The following ITPR1 variants were observed in gnomAD, a reference collection of about 807,000 sequenced individuals.
ITPR1 encodes the protein inositol 1,4,5-trisphosphate receptor type 1, also known as inositol 1,4,5-trisphosphate-gated calcium channel ITPR1.
In ITPR1, 96 loss-of-function variants were observed where a neutral mutation model predicts 318.4. The observed-to-expected ratio is 0.30, with a 90% confidence interval of 0.26 to 0.36. The LOEUF is 0.36. Ranked by LOEUF, ITPR1 falls within the 10% of genes least tolerant of loss-of-function variation. The pLI is 1.00. For synonymous variants in ITPR1, 1,312 were observed against 1,289.9 expected, an observed-to-expected ratio of 1.02 and a Z score of -0.37; for missense variants, 2,440 against 3,460.2, an observed-to-expected ratio of 0.71 and a Z score of 7.40.
chr3:4,556,441 A>G (rs1283712318), intron 4 of ITPR1, among the ~76,000 whole-genome samples: 1 of 152,136 alleles, frequency 6.6e-6, no homozygotes, highest in East Asian at 1.9e-4. Flanking sequence ...TCACTGCCCT[A>G]AGAATCTCTG....
chr3:4,753,781 G>A (rs900606308), intron 44 of ITPR1, among the ~76,000 whole-genome samples: 5 of 152,240 alleles, frequency 3.3e-5, no homozygotes, highest in Middle Eastern at 3.4e-3. Flanking sequence ...GGAGAGCAGC[G>A]AAGGGAACGT....
rs994064456 is a variant in ITPR1, at chr3:4,843,566, T to C, written c.8191-2573T>C. On this transcript the variant is annotated intron_variant, in intron 61 of 61. Coordinates refer to ENST00000649015, the MANE Select transcript of ITPR1 (RefSeq NM_001378452.1). ...TGTTTCTGATCTGTGTTTTAACAAA[T>C]GTTCTGGGTGATTCTGGCGCATGCT... 2.2e-4 allele frequency among the ~76,000 whole-genome samples: 34 copies of C among 152,242 alleles called. 1 individual carries two copies. The highest frequency in any genetic ancestry group is 7.3e-5 in the Non-Finnish European group (5 of 68,032).
chr3:4,670,848 G>T lies in ITPR1; in HGVS notation c.2126G>T (p.Arg709Leu), dbSNP rs765735809. ...LFWRDSNKEIRSKSVRELAQD... is the reference protein window; with the variant it reads ...LFWRDSNKEILSKSVRELAQD... ...TGGAGGGACAGCAACAAAGAGATTCGCAGCAAGAGTGTGAGGGAATTGGCT... is the reference window on the plus strand; with the variant it reads ...TGGAGGGACAGCAACAAAGAGATTCTCAGCAAGAGTGTGAGGGAATTGGCT... The change falls in exon 20 of 62, where the codon CGC becomes CTC. Residue 709 changes from arginine to leucine, a missense_variant. Physicochemically the swap from Arg to Leu is moderately radical, Grantham distance 102 (BLOSUM62 -2). Around this residue, in one of 23 missense-constraint regions of ITPR1, gnomAD observed 478 missense variants for 696.3 expected, o/e 0.69. Transcript: ENST00000649015. 3 of 1,610,934 alleles carry T rather than the reference G, an allele frequency of 1.9e-6. No individual in the cohort carries two copies. The highest frequency in any genetic ancestry group is 2.2e-5 in the South Asian group (2 of 90,232).
chr3:4,837,334 A>G (rs2050995308), intron 61 of ITPR1, among the ~76,000 whole-genome samples: 1 of 152,136 alleles, frequency 6.6e-6, no homozygotes, highest in South Asian at 2.1e-4. Flanking sequence ...AGACTTGTCA[A>G]ATCCTCACCC....
chr3:4,771,855 TA>T (rs1269824860), intron 46 of ITPR1, among the ~76,000 whole-genome samples: 1 of 152,098 alleles, frequency 6.6e-6, no homozygotes, highest in Non-Finnish European at 1.5e-5. Context: ...TTTGTTGAAA[TA>T]TACTAAGTAC....
intron 42 of ITPR1, among the ~76,000 whole-genome samples, chr3:4,731,188 T>G (rs2042904185): frequency 6.6e-6 from 1 of 152,262 alleles, no homozygotes; most frequent in African/African-American, 2.4e-5. Flanking sequence ...ACTTCTCTTA[T>G]GAAGTCAGCC....
chr3:4,712,843 C>T (rs79068041), intron 39 of ITPR1, among the ~76,000 whole-genome samples: 4,306 of 152,254 alleles, frequency 0.028, 203 homozygotes, highest in African/African-American at 0.099. Context: ...GTTTATACCA[C>T]GGGGCATAAT....
At chr3:4,547,122 C>G (rs527462172) in intron 4 of ITPR1, among the ~76,000 whole-genome samples, 11 of 152,324 alleles carry the variant, frequency 7.2e-5, no homozygotes, top group Admixed American at 2.6e-4. Flanking sequence ...CTGTGCTAGG[C>G]ATGATTTATA....
At chr3:4,686,479 A>C (rs1427636280) in intron 30 of ITPR1, among the ~76,000 whole-genome samples, 1 of 152,200 alleles carries the variant, frequency 6.6e-6, no homozygotes, top group African/African-American at 2.4e-5. Flanking sequence ...AAGGAACGCG[A>C]GGGGGTCATT....
At chr3:4,607,268 A>G (rs150191721) in intron 4 of ITPR1, among the ~76,000 whole-genome samples, 1 of 152,276 alleles carries the variant, frequency 6.6e-6, no homozygotes, top group African/African-American at 2.4e-5. Flanking sequence ...GGATCTCTAG[A>G]TGATTTGACT....
intron 40 of ITPR1, among the ~76,000 whole-genome samples, chr3:4,722,283 G>A (rs1391086376): frequency 6.6e-6 from 1 of 152,206 alleles, no homozygotes; most frequent in East Asian, 1.9e-4. Context: ...TTCAAAACCA[G>A]AGCACATCAG....
Position 4,787,930 on chromosome 3 carries a change from C to T in ITPR1, c.6616-17C>T, listed in dbSNP as rs1026787626. Reference sequence around the variant, plus strand: ...TTCAAAGATGAATATTTAATCTCATCCACTTTTTCATCCTAGATTGTCAGA... The same window carrying T: ...TTCAAAGATGAATATTTAATCTCATTCACTTTTTCATCCTAGATTGTCAGA... On this transcript the variant is annotated splice_polypyrimidine_tract_variant and intron_variant, in intron 51 of 61. Transcript: ENST00000649015. 1.0e-5 allele frequency: 16 copies of T among 1,578,138 alleles called. No individual in the cohort carries two copies. Among genetic ancestry groups the T allele is most frequent in the Middle Eastern group, 1.7e-4 (1 of 6,026 alleles).
chr3:4,828,400 C>T (rs2050219163), intron 60 of ITPR1, among the ~76,000 whole-genome samples: 1 of 152,200 alleles, frequency 6.6e-6, no homozygotes, highest in Non-Finnish European at 1.5e-5. Context: ...AGCTTGGATG[C>T]TGATGTGGGG....
At chr3:4,522,346 A>G (rs188785906) in intron 4 of ITPR1, among the ~76,000 whole-genome samples, 2 of 152,290 alleles carry the variant, frequency 1.3e-5, no homozygotes, top group Admixed American at 1.3e-4. Flanking sequence ...CTAAGTTCTT[A>G]TTGTTTAGTG....
intron 12 of ITPR1, among the ~76,000 whole-genome samples, chr3:4,657,386 G>C (rs954884120): frequency 1.2e-4 from 16 of 133,230 alleles, no homozygotes; most frequent in Middle Eastern, 4.0e-3. Flanking sequence ...TGTACCTAGA[G>C]TTTTTTTTTT....
intron 53 of ITPR1, 103 bp from the exon 54 acceptor site, chr3:4,800,322 C>CA: frequency 4.7e-6 from 6 of 1,269,678 alleles, no homozygotes; most frequent in Non-Finnish European, 5.5e-6. Context: ...ACTGGTAAGC[C>CA]AAAAAAGTTA....
intron 34 of ITPR1, among the ~76,000 whole-genome samples, chr3:4,698,561 C>T (rs934361881): frequency 6.6e-6 from 1 of 152,116 alleles, no homozygotes; most frequent in Non-Finnish European, 1.5e-5. Flanking sequence ...CTACTCAGTT[C>T]TGCCCTTCTA....
chr3:4,562,821 C>G (rs1392817201), intron 4 of ITPR1, among the ~76,000 whole-genome samples: 2 of 151,838 alleles, frequency 1.3e-5, no homozygotes, highest in East Asian at 3.9e-4. Flanking sequence ...GTCTCTGCCC[C>G]CATAGAACTT....
chr3:4,516,423 C>T (rs2082174491), intron 2 of ITPR1, 53 bp from the exon 3 acceptor site: 3 of 970,118 alleles, frequency 3.1e-6, no homozygotes, highest in Non-Finnish European at 3.1e-6. Context: ...ACTTTTTTCC[C>T]CTTCTGAACA....
Sources: gnomAD v4.1 joint callset for allele counts (sites outside exome capture counted in the v4.1 genomes callset) on GRCh38, gnomAD v4.1.1 for gene constraint, gnomAD v4.1.1 regional missense constraint, MANE v1.5 for transcripts, NCBI Gene and HGNC (gene_info 2026-07-23, HGNC 2026-07-21) for gene names.